Variants in SYNPR observed in about 807,000 individuals in gnomAD.
The protein encoded by SYNPR is synaptoporin.
SYNPR carries 23 observed loss-of-function variants against 32.9 expected under a neutral mutation model. That is an observed-to-expected ratio of 0.70 (90% confidence interval 0.50 to 0.99). SYNPR has a LOEUF of 0.99. Among genes scored for constraint, SYNPR ranks in the 50% least tolerant of loss-of-function variants. SYNPR has a pLI of 0.00. For missense variants in SYNPR, 318 were observed against 349.3 expected, an observed-to-expected ratio of 0.91 and a Z score of 0.71; for synonymous variants, 146 against 135.9, an observed-to-expected ratio of 1.07 and a Z score of -0.52.
intron 2 of SYNPR, among the ~76,000 whole-genome samples, chr3:63,336,509 C>A (rs1387739640): frequency 9.2e-5 from 3 of 32,712 alleles, no homozygotes; most frequent in African/African-American, 9.0e-5. Flanking sequence ...AACAAGTGGA[C>A]ATTCCCATGC....
intron 2 of SYNPR, among the ~76,000 whole-genome samples, chr3:63,280,837 T>C (rs987330223): frequency 5.3e-5 from 8 of 152,176 alleles, no homozygotes; most frequent in African/African-American, 1.9e-4. Context: ...CCTTCCCCTC[T>C]CTCTTCCAGG....
intron 4 of SYNPR, among the ~76,000 whole-genome samples, chr3:63,595,756 T>A (rs184503402): frequency 4.2e-5 from 2 of 47,288 alleles, no homozygotes; most frequent in East Asian, 7.2e-4. Flanking sequence ...TATATATATA[T>A]ATATATATAT....
chr3:63,513,021 T>A (rs1197418822), intron 3 of SYNPR, among the ~76,000 whole-genome samples: 1 of 152,040 alleles, frequency 6.6e-6, no homozygotes, highest in Non-Finnish European at 1.5e-5. Context: ...TACTGCTTAC[T>A]GCAGGCAAGG....
chr3:63,338,331 T>C (rs1192538816), intron 2 of SYNPR, among the ~76,000 whole-genome samples: 1 of 152,158 alleles, frequency 6.6e-6, no homozygotes, highest in Non-Finnish European at 1.5e-5. Context: ...GAATTAAAAG[T>C]AGTGGGAAGT....
chr3:63,490,093 T>G lies in SYNPR; in HGVS notation c.209+9137T>G, dbSNP rs74975221. Among the ~76,000 whole-genome samples, 111 of 152,220 alleles carry G rather than the reference T, an allele frequency of 7.3e-4. 1 individual carries two copies. In the East Asian group the frequency reaches 0.021, roughly 28 times the overall value. On this transcript the variant is annotated intron_variant, in intron 3 of 5. Coordinates refer to ENST00000478300, the MANE Select transcript of SYNPR (RefSeq NM_001130003.2). ...AGATCAGCTGGTTGGGGGAAAACCT[T>G]GCTGGTGAAATGAAATTTGAGTGCA...
the SYNPR span, among the ~76,000 whole-genome samples, chr3:63,210,680 C>T: frequency 6.6e-6 from 1 of 152,164 alleles, no homozygotes; most frequent in Admixed American, 6.5e-5. Context: ...AGTAAAAACA[C>T]CTGGTAACTG....
chr3:63,231,336 G>A (rs907451998), intron 1 of SYNPR, among the ~76,000 whole-genome samples: 4 of 152,074 alleles, frequency 2.6e-5, no homozygotes, highest in Non-Finnish European at 5.9e-5. Flanking sequence ...GGAGGAGGTT[G>A]GGAGGGGAAT....
chr3:63,355,993 C>T (rs2087573086), intron 2 of SYNPR, among the ~76,000 whole-genome samples: 1 of 152,236 alleles, frequency 6.6e-6, no homozygotes, highest in Admixed American at 6.5e-5. Context: ...GTGATCTTCT[C>T]TGCCCCTTTT....
chr3:63,521,310 G>C (rs1701910279), intron 3 of SYNPR, among the ~76,000 whole-genome samples: 1 of 152,170 alleles, frequency 6.6e-6, no homozygotes, highest in Non-Finnish European at 1.5e-5. Flanking sequence ...CTCAGCAAGT[G>C]ATCAAAAAAT....
chr3:63,556,208 C>T (rs190202505), intron 3 of SYNPR, among the ~76,000 whole-genome samples: 7 of 152,192 alleles, frequency 4.6e-5, no homozygotes, highest in Non-Finnish European at 7.4e-5. Flanking sequence ...TAAGGCCTGG[C>T]GAGCCCTGTT....
At chr3:63,552,359 A>G (rs1417644253) in intron 3 of SYNPR, among the ~76,000 whole-genome samples, 1 of 152,178 alleles carries the variant, frequency 6.6e-6, no homozygotes, top group Non-Finnish European at 1.5e-5. Flanking sequence ...GTATTTCTAC[A>G]GACAAAACTA....
At chr3:63,230,074 T>G (rs1422638635) in intron 1 of SYNPR, among the ~76,000 whole-genome samples, 2 of 152,196 alleles carry the variant, frequency 1.3e-5, no homozygotes, top group African/African-American at 2.4e-5. Flanking sequence ...GAAATTTTAA[T>G]GTTTTTCTTT....
Position 63,359,419 on chromosome 3 carries a change from T to C in SYNPR, c.84+80677T>C, listed in dbSNP as rs139777519. Among the ~76,000 whole-genome samples the C allele has an allele frequency of 5.2e-3, 787 of 152,306 alleles. 6 individuals carry two copies. Among genetic ancestry groups the C allele is most frequent in the South Asian group, 0.01 (49 of 4,820 alleles). ...AACCAAGAGTTGAGTTGTTTGCACA[T>C]TGCAACAAAGGCTCAGTGTAAAATC... On this transcript the variant is annotated intron_variant, in intron 2 of 5. Transcript: ENST00000478300.
At chr3:63,308,549 C>T (rs1464483008) in intron 2 of SYNPR, among the ~76,000 whole-genome samples, 1 of 151,808 alleles carries the variant, frequency 6.6e-6, no homozygotes, top group Non-Finnish European at 1.5e-5. Context: ...AAGTCTATGT[C>T]ATCTTTGTTT....
chr3:63,416,291 G>A (rs2088537221), intron 2 of SYNPR, among the ~76,000 whole-genome samples: 1 of 152,158 alleles, frequency 6.6e-6, no homozygotes, highest in Non-Finnish European at 1.5e-5. Flanking sequence ...AGCACTTTGG[G>A]AGGCCAAGGA....
chr3:63,483,477 A>G (rs1701086393), intron 3 of SYNPR, among the ~76,000 whole-genome samples: 1 of 152,202 alleles, frequency 6.6e-6, no homozygotes, highest in South Asian at 2.1e-4. Flanking sequence ...AAGGATACAG[A>G]CAAACAGTTA....
At chr3:63,290,001 G>T (rs2086722809) in intron 2 of SYNPR, among the ~76,000 whole-genome samples, 1 of 151,766 alleles carries the variant, frequency 6.6e-6, no homozygotes. Flanking sequence ...GTGGTGGCGG[G>T]TGTCTGTAGT....
rs765186947 is a variant in SYNPR, at chr3:63,443,468, C to T, written c.85-37364C>T. ...TAAATGTGTATGGTGATATTTGCTC[C>T]GGTAAGTTTACAGCTATCTTGATTT... is the stretch of plus-strand genomic sequence containing the variant. On this transcript the variant is annotated intron_variant, in intron 2 of 5. Transcript: ENST00000478300. The T allele has an allele frequency of 1.7e-5, 27 of 1,606,592 alleles. No homozygotes were observed. In the Admixed American group the frequency reaches 2.5e-4, roughly 15 times the overall value.
At chr3:63,223,381 C>A (rs983144201), upstream of SYNPR, among the ~76,000 whole-genome samples, 1 of 122,682 alleles carries the variant, frequency 8.2e-6, no homozygotes, top group Non-Finnish European at 1.9e-5. Flanking sequence ...AGGTTTTTCC[C>A]TGGTAGTGGT....
Sources: gnomAD v4.1 joint callset for allele counts (sites outside exome capture counted in the v4.1 genomes callset) on GRCh38, gnomAD v4.1.1 for gene constraint, MANE v1.5 for transcripts, NCBI Gene and HGNC (gene_info 2026-07-23, HGNC 2026-07-21) for gene names.